Variants in C16orf96 observed in about 807,000 individuals in gnomAD.
C16orf96 encodes the protein chromosome 16 open reading frame 96.
C16orf96 carries 108 observed loss-of-function variants against 103.6 expected under a neutral mutation model. The observed-to-expected ratio is 1.04, with a 90% CI of 0.89 to 1.22. The LOEUF is 1.22. C16orf96 is among the 50% of genes most tolerant of loss of function. The pLI, the probability that C16orf96 is intolerant of heterozygous loss-of-function variation, is 0.00. For synonymous variants in C16orf96, 566 were observed against 593.5 expected (o/e 0.95, Z 0.67); for missense variants, 1,586 against 1,464.2 (o/e 1.08, Z -1.36).
At chr16:4,563,401 G>A (rs1199730881) in intron 1 of C16orf96, among the ~76,000 whole-genome samples, 2 of 151,992 alleles carry the variant, frequency 1.3e-5, no homozygotes, top group African/African-American at 4.8e-5. Context: ...AGGACTACAG[G>A]CCTGTGCCAC....
At chr16:4,561,397 A>C (rs1393191156) in intron 1 of C16orf96, 1 of 152,230 alleles carries the variant, frequency 6.6e-6, no homozygotes, top group Non-Finnish European at 1.5e-5. Flanking sequence ...CTTCAAGACA[A>C]AAATTGTTAC....
intron 11 of C16orf96, 101 bp downstream of exon 11, chr16:4,592,468 T>C (rs1361013126): frequency 1.5e-6 from 2 of 1,328,252 alleles, no homozygotes; most frequent in Non-Finnish European, 2.1e-6. Flanking sequence ...GCACGCTGTG[T>C]GTCTACACAT....
Position 4,556,743 on chromosome 16 carries a change from T to G in C16orf96, c.254T>G (p.Val85Gly). The G allele has an allele frequency of 1.3e-6, 2 of 1,551,596 alleles. No individual in the cohort carries two copies. Among genetic ancestry groups the G allele is most frequent in the Non-Finnish European group, 1.7e-6 (2 of 1,146,996 alleles). Residue 85 changes from valine (V) to glycine (G), a missense_variant, in exon 1 of 16, where the codon GTG becomes GGG. By Grantham distance (109) the Val-to-Gly change is moderately radical (BLOSUM62 -3). Coordinates refer to ENST00000444310, the MANE Select transcript of C16orf96 (RefSeq NM_001145011.2). ...CTCAGCAATGTCTTCGACCACGTGG[T>G]GAGCCGCCTCGACAAGTTGGAGAAC... Reference protein sequence around the residue: ...KRLSNVFDHVVSRLDKLENQL... With the variant: ...KRLSNVFDHVGSRLDKLENQL...
upstream of C16orf96, among the ~76,000 whole-genome samples, chr16:4,554,909 G>A (rs1462447871): frequency 1.3e-5 from 2 of 151,876 alleles, no homozygotes; most frequent in Non-Finnish European, 2.9e-5. Flanking sequence ...GATTACAGGC[G>A]TGAGCCACCG....
At chr16:4,547,807 C>G in the C16orf96 span, among the ~76,000 whole-genome samples, 1 of 148,664 alleles carries the variant, frequency 6.7e-6, no homozygotes, top group African/African-American at 2.5e-5. Flanking sequence ...CCCTCCCTTC[C>G]TTCCTTCCTT....
chr16:4,568,743 C>G (rs918793381), intron 1 of C16orf96, among the ~76,000 whole-genome samples: 1 of 150,252 alleles, frequency 6.7e-6, no homozygotes, highest in Admixed American at 6.7e-5. Flanking sequence ...ATCCTCCCAT[C>G]TCATCCTCCC....
the C16orf96 span, among the ~76,000 whole-genome samples, chr16:4,546,301 G>A: frequency 6.6e-6 from 1 of 151,658 alleles, no homozygotes; most frequent in Non-Finnish European, 1.5e-5. Flanking sequence ...TGGGACTACA[G>A]GCGCCCGCTA....
Position 4,594,510 on chromosome 16 carries a change from C to G in C16orf96, c.3027C>G (p.Ser1009Arg). 6.4e-7 allele frequency: 1 copy of G among 1,550,398 alleles called. No individual in the cohort carries two copies. The highest frequency in any genetic ancestry group is 8.7e-7 in the Non-Finnish European group (1 of 1,146,296). ...YGDPHVIDYD[S>R]AEVDILGVDG... ...ATCCCCACGTGATCGACTATGACAG[C>G]GTGAGTCTGGCCGGGGCCTCCTTCT... The change falls in exon 13 of 16, where the codon AGC becomes AGG. Residue 1009 changes from serine (S) to arginine (R), a missense_variant and splice_region_variant. Physicochemically the swap from Ser to Arg is moderately radical, Grantham distance 110. Coordinates refer to ENST00000444310, the MANE Select transcript of C16orf96 (RefSeq NM_001145011.2).
At chr16:4,565,468 A>G (rs987550760) in intron 1 of C16orf96, among the ~76,000 whole-genome samples, 1 of 152,174 alleles carries the variant, frequency 6.6e-6, no homozygotes, top group Non-Finnish European at 1.5e-5. Context: ...GGGAGGTTGT[A>G]GTAAGCTGAG....
Position 4,578,927 on chromosome 16 carries a change from C to G in C16orf96, c.2156-13C>G. The G allele has an allele frequency of 6.5e-7, 1 of 1,549,830 alleles. No individual in the cohort carries two copies. The highest frequency in any genetic ancestry group is 8.7e-7 in the Non-Finnish European group (1 of 1,145,496). ...TCCGAGCCCTCAGCAGCCACCCTGT[C>G]CTCTGCTTTCAGCCAATATGGGAGG... On this transcript the variant is annotated splice_polypyrimidine_tract_variant and intron_variant, in intron 5 of 15. Transcript: ENST00000444310.
intron 14 of C16orf96, 110 bp from the exon 15 acceptor site, chr16:4,599,174 G>A: frequency 1.2e-6 from 1 of 862,938 alleles, no homozygotes; most frequent in Non-Finnish European, 1.9e-6. Flanking sequence ...CGGGGAGCCT[G>A]GGAAATGGGG....
At chr16:4,597,826 G>A (rs531152534) in intron 14 of C16orf96, among the ~76,000 whole-genome samples, 1 of 152,270 alleles carries the variant, frequency 6.6e-6, no homozygotes, top group Admixed American at 6.5e-5. Context: ...CAAAGTGCTG[G>A]GATTACAGGT....
chr16:4,543,525 T>C, the C16orf96 span, among the ~76,000 whole-genome samples: 1 of 152,104 alleles, frequency 6.6e-6, no homozygotes, highest in African/African-American at 2.4e-5. Context: ...AGGGTCTCAC[T>C]AGGTTGCCAG....
chr16:4,581,111 C>G (rs1248170702), intron 7 of C16orf96, among the ~76,000 whole-genome samples: 1 of 113,226 alleles, frequency 8.8e-6, no homozygotes, highest in Non-Finnish European at 1.8e-5. Context: ...GTAACAAGAG[C>G]AAAACTCTGT....
chr16:4,543,170 A>G, the C16orf96 span, among the ~76,000 whole-genome samples: 1 of 152,312 alleles, frequency 6.6e-6, no homozygotes, highest in East Asian at 1.9e-4. Context: ...TTCAGAGAGG[A>G]GGACGTTTAA....
intron 2 of C16orf96, among the ~76,000 whole-genome samples, chr16:4,572,340 C>T (rs2059448759): frequency 7.0e-6 from 1 of 143,166 alleles, no homozygotes; most frequent in African/African-American, 2.6e-5. Context: ...CGCTCTGTTG[C>T]CCAGGCTGGA....
Position 4,556,386 on chromosome 16 carries a change from C to G in C16orf96, c.-104C>G, listed in dbSNP as rs2059262355. 1.1e-5 allele frequency: 14 copies of G among 1,227,710 alleles called. 1 individual carries two copies. Among genetic ancestry groups the G allele is most frequent in the Non-Finnish European group, 1.5e-5 (14 of 908,048 alleles). 76.1% of individuals were successfully genotyped at this position (1,227,710 alleles called of 1,614,324 possible). The stretch of plus-strand genomic sequence containing the variant: ...TGACTGCTGTGACTCACCACCACCC[C>G]AGGCCTCTGAGGACCAGTCCATGTA... On this transcript the variant is annotated 5_prime_UTR_variant, in exon 1 of 16. Transcript: ENST00000444310.
At chr16:4,563,016 T>C (rs2059348442) in intron 1 of C16orf96, 1 of 1,006,324 alleles carries the variant, frequency 9.9e-7, no homozygotes, top group African/African-American at 1.6e-5. Flanking sequence ...CATGTTACCA[T>C]CTCTGCTGCT....
intron 8 of C16orf96, among the ~76,000 whole-genome samples, 184 bp downstream of exon 8, chr16:4,587,297 G>C (rs1054893416): frequency 6.6e-6 from 1 of 151,624 alleles, no homozygotes; most frequent in Non-Finnish European, 1.5e-5. Context: ...GCCAAGGCGG[G>C]TGGATCACCT....
Sources: gnomAD v4.1 joint callset for allele counts (sites outside exome capture counted in the v4.1 genomes callset) on GRCh38, gnomAD v4.1.1 for gene constraint, MANE v1.5 for transcripts, NCBI Gene and HGNC (gene_info 2026-07-23, HGNC 2026-07-21) for gene names.